ZFP41: variants seen among roughly 807,000 people sequenced by gnomAD.
ZFP41 encodes ZFP41 zinc finger protein.
A neutral mutation model predicts 11.6 loss-of-function variants in ZFP41; 10 were observed. The ratio of observed to expected loss-of-function variants is 0.86; its 90% CI spans 0.53 to 1.47. ZFP41 has a LOEUF of 1.47. ZFP41 is among the 40% of genes most tolerant of loss of function. The pLI is 0.00. For missense variants in ZFP41, 302 were observed against 264.6 expected (o/e 1.14, Z -0.98); for synonymous variants, 123 against 100.9 (o/e 1.22, Z -1.31).
chr8:143,252,655 G>A, intron 2 of ZFP41: 1 of 984,300 alleles, frequency 1.0e-6, no homozygotes, highest in Non-Finnish European at 1.2e-6. Context: ...TAGGTAGGTG[G>A]CAAGTCCCGT....
At chr8:143,251,915 C>A (rs1041206543) in intron 2 of ZFP41, among the ~76,000 whole-genome samples, 2 of 152,178 alleles carry the variant, frequency 1.3e-5, no homozygotes, top group Non-Finnish European at 2.9e-5. Context: ...ACATTCCACA[C>A]GCAGAGTGTG....
rs1222283614 is a variant in ZFP41 at position 143,260,747 on chromosome 8, C to CCAGA, written c.*1874_*1877dup. ...TCCAGCCTTGCTCAGTCACCCTGAC[C>CCAGA]CAGAGGGCTGCCCTGACCAGCGGGC... On this transcript the variant is annotated 3_prime_UTR_variant, in exon 3 of 3. Transcript: ENST00000330701. 1 of 185,242 alleles carries CCAGA rather than the reference C, an allele frequency of 5.4e-6. No homozygotes were observed. Among genetic ancestry groups the CCAGA allele is most frequent in the Non-Finnish European group, 1.1e-5 (1 of 87,246 alleles). The allele number at this position is 185,242 out of a possible 1,614,324, so 11.5% of individuals were successfully genotyped here. A position where few individuals can be genotyped will look rare whatever the true frequency, so the allele number is the denominator to read the frequency against.
chr8:143,250,217 G>A lies in ZFP41; in HGVS notation c.374G>A (p.Arg125Gln), dbSNP rs781032661. 32 of 1,613,736 alleles carry A rather than the reference G, an allele frequency of 2.0e-5. No homozygotes were observed. Among genetic ancestry groups the A allele is most frequent in the Admixed American group, 6.7e-5 (4 of 59,978 alleles). ...FKCAQCGKAF[R>Q]HSSDVTKHQR... Reference sequence around the variant, plus strand: ...TGTGCGCAGTGCGGGAAGGCCTTCCGGCACAGCTCTGACGTCACCAAACAC... The same window carrying A: ...TGTGCGCAGTGCGGGAAGGCCTTCCAGCACAGCTCTGACGTCACCAAACAC... Residue 125 changes from arginine (R) to glutamine (Q), a missense_variant, in exon 2 of 3, where the codon CGG becomes CAG. Coordinates refer to ENST00000330701, the MANE Select transcript of ZFP41 (RefSeq NM_173832.6).
At chr8:143,256,286 T>A (rs1377674901) in intron 2 of ZFP41, among the ~76,000 whole-genome samples, 2 of 85,140 alleles carry the variant, frequency 2.3e-5, no homozygotes, top group Admixed American at 2.3e-4. Flanking sequence ...CGCGTGCTGG[T>A]GTTAGTGAGA....
intron 1 of ZFP41, chr8:143,247,471 T>G (rs941974582): frequency 7.2e-5 from 11 of 152,270 alleles, no homozygotes; most frequent in African/African-American, 2.4e-4. Context: ...AGATTGCCCC[T>G]GAATCTCAAG....
chr8:143,254,171 C>T (rs575667545), intron 2 of ZFP41, among the ~76,000 whole-genome samples: 2 of 152,314 alleles, frequency 1.3e-5, no homozygotes, highest in Non-Finnish European at 1.5e-5. Flanking sequence ...TGCCTCCTCC[C>T]GTCTCTTGCT....
chr8:143,253,672 C>T (rs1179292453), intron 2 of ZFP41: 2 of 152,222 alleles, frequency 1.3e-5, no homozygotes, highest in Non-Finnish European at 2.9e-5. Context: ...GGACGTCTGT[C>T]CCCTCCAGAT....
rs1209124120 is a variant in ZFP41 at position 143,261,467 on chromosome 8, A to C, written c.*2593A>C. 3 of 152,650 alleles carry C rather than the reference A, an allele frequency of 2.0e-5. No individual in the cohort carries two copies. The highest frequency in any genetic ancestry group is 1.5e-5 in the Non-Finnish European group (1 of 68,442). The allele number at this position is 152,650 out of a possible 1,614,324, so 9.5% of individuals were successfully genotyped here. ...GCTGAGGTCCAGGGACGCAGGAAGG[A>C]TGGGGTGAACTCCGGGATGGGGCCG... On this transcript the variant is annotated 3_prime_UTR_variant, in exon 3 of 3. Coordinates refer to ENST00000330701, the MANE Select transcript of ZFP41 (RefSeq NM_173832.6).
chr8:143,254,630 C>CTTTTT (rs56112135), intron 2 of ZFP41, among the ~76,000 whole-genome samples: 6 of 115,002 alleles, frequency 5.2e-5, no homozygotes, highest in African/African-American at 9.3e-5. Context: ...GGGAGCGTTA[C>CTTTTT]TTTTTTTTTT....
chr8:143,249,795 CAGAG>C lies in ZFP41; in HGVS notation c.-46_-43del, dbSNP rs1430724073. 1.1e-5 allele frequency: 16 copies of C among 1,522,906 alleles called. No individual in the cohort carries two copies. Among genetic ancestry groups the C allele is most frequent in the Non-Finnish European group, 1.4e-5 (16 of 1,140,592 alleles). The allele number at this position is 1,522,906 out of a possible 1,614,324, so 94.3% of individuals were successfully genotyped here. A position where few individuals can be genotyped will look rare whatever the true frequency, so the allele number is the denominator to read the frequency against. On this transcript the variant is annotated 5_prime_UTR_variant, in exon 2 of 3. Transcript: ENST00000330701. The stretch of plus-strand genomic sequence containing the variant: ...CAAGCCATTGAGGAAGTGGGGCCAA[CAGAG>C]AGGTCAGCAGCCCCTTAGCCCTCAC...
rs550574034 is a variant in ZFP41 at position 143,248,780 on chromosome 8, G to A, written c.-154-910G>A. ...TCATCTTCAGTTCTGGCGCCCACCT[G>A]ATCTGCCTCCTCCCACACGCCACCT... On this transcript the variant is annotated intron_variant, in intron 1 of 2. Coordinates refer to ENST00000330701, the MANE Select transcript of ZFP41 (RefSeq NM_173832.6). 2.7e-4 allele frequency among the ~76,000 whole-genome samples: 41 copies of A among 152,194 alleles called. 1 individual carries two copies. In the South Asian group the frequency reaches 8.3e-3, roughly 31 times the overall value.
chr8:143,253,365 G>C (rs28693781), intron 2 of ZFP41: 1 of 152,244 alleles, frequency 6.6e-6, no homozygotes, highest in African/African-American at 2.4e-5. Flanking sequence ...AGGTGGGCAC[G>C]CTTCTCCGAT....
chr8:143,247,776 C>T (rs1223092738), intron 1 of ZFP41: 2 of 152,260 alleles, frequency 1.3e-5, no homozygotes, highest in African/African-American at 4.8e-5. Flanking sequence ...CGCTATGGTC[C>T]AATCCGTTTT....
At position 143,251,105 on chromosome 8, in the gene ZFP41, A is replaced by G. The variant is rs536059376; in HGVS notation, c.*665A>G. On this transcript the variant is annotated 3_prime_UTR_variant, in exon 2 of 3. Coordinates refer to ENST00000330701, the MANE Select transcript of ZFP41 (RefSeq NM_173832.6). ...ACCCCCGTCCCCGGAACTGGGCCAC[A>G]CCACGTGCCCTCTTGGCCCAGCCTT... The G allele has an allele frequency of 1.5e-4, 26 of 168,102 alleles. No homozygotes were observed. The highest frequency in any genetic ancestry group is 1.5e-3 in the Admixed American group (23 of 15,392). The allele number at this position is 168,102 out of a possible 1,614,324, so 10.4% of individuals were successfully genotyped here.
At chr8:143,251,559 G>A (rs745408307) in intron 2 of ZFP41, among the ~76,000 whole-genome samples, 3 of 152,234 alleles carry the variant, frequency 2.0e-5, no homozygotes, top group Admixed American at 1.3e-4. Context: ...CTGTTTAGAC[G>A]TGAAACACTA....
intron 2 of ZFP41, among the ~76,000 whole-genome samples, chr8:143,254,621 G>A (rs1332120092): frequency 1.3e-5 from 2 of 149,746 alleles, no homozygotes; most frequent in East Asian, 4.0e-4. Context: ...CTGACAATAG[G>A]GAGCGTTACT....
At chr8:143,252,248 G>A (rs1248367378) in intron 2 of ZFP41, among the ~76,000 whole-genome samples, 1 of 152,210 alleles carries the variant, frequency 6.6e-6, no homozygotes, top group African/African-American at 2.4e-5. Flanking sequence ...CTCACACTGG[G>A]TCCTGACCCG....
chr8:143,256,340 A>G (rs7816473), intron 2 of ZFP41, among the ~76,000 whole-genome samples: 17,102 of 58,088 alleles, frequency 0.29, 1,973 homozygotes, highest in African/African-American at 0.34. Flanking sequence ...ATCAGGGCTC[A>G]CCCCGCGTGC....
Position 143,249,857 on chromosome 8 carries a change from C to T in ZFP41, c.14C>T (p.Ala5Val). ...AGGAACAGAATGATGGAGAAGCCTG[C>T]AGGCAGAAAAAAGAAGACGCCGACC... is the stretch of plus-strand genomic sequence containing the variant. MEKP[A>V]GRKKKTPTPR... The change falls in exon 2 of 3, where the codon GCA (alanine) becomes GTA (valine). Residue 5 changes from alanine to valine, a missense_variant. Physicochemically the swap from Ala to Val is moderately conservative, Grantham distance 64. Coordinates refer to ENST00000330701, the MANE Select transcript of ZFP41 (RefSeq NM_173832.6). The T allele has an allele frequency of 1.3e-6, 2 of 1,596,424 alleles. No homozygotes were observed. Among genetic ancestry groups the T allele is most frequent in the Non-Finnish European group, 1.7e-6 (2 of 1,174,002 alleles).
Sources: gnomAD v4.1 joint callset for allele counts (sites outside exome capture counted in the v4.1 genomes callset) on GRCh38, gnomAD v4.1.1 for gene constraint, MANE v1.5 for transcripts, NCBI Gene and HGNC (gene_info 2026-07-23, HGNC 2026-07-21) for gene names.